PPP4R3A: variants seen among roughly 807,000 people sequenced by gnomAD.
PPP4R3A encodes protein phosphatase 4 regulatory subunit 3A.
In PPP4R3A, 15 loss-of-function variants were observed where a neutral mutation model predicts 91.7. The ratio of observed to expected loss-of-function variants is 0.16; its 90% CI spans 0.11 to 0.25. PPP4R3A has a LOEUF of 0.25. PPP4R3A is among the 10% of genes least tolerant of loss of function. The probability of loss-of-function intolerance (pLI) is 1.00; values close to 1 mark genes in which losing one functional copy is unlikely to be tolerated. For missense variants in PPP4R3A, 623 were observed against 998.4 expected (o/e 0.62, Z 5.07); for synonymous variants, 377 against 348.7 (o/e 1.08, Z -0.91).
Position 91,509,877 on chromosome 14 carries a change from G to A in PPP4R3A, c.-230C>T. On this transcript the variant is annotated 5_prime_UTR_variant, in exon 1 of 15. Transcript: ENST00000554943. ...CCGGCTCCCCGGCGCTATTGTCCAGGCCTGGCGAGCCCGGCGCCCGGCAGC... is the reference window on the plus strand; with the variant it reads ...CCGGCTCCCCGGCGCTATTGTCCAGACCTGGCGAGCCCGGCGCCCGGCAGC... The A allele has an allele frequency of 1.8e-6, 2 of 1,105,108 alleles. No individual in the cohort carries two copies. Among genetic ancestry groups the A allele is most frequent in the South Asian group, 4.3e-5 (1 of 23,276 alleles). The allele number at this position is 1,105,108 out of a possible 1,614,324, so 68.5% of individuals were successfully genotyped here.
Position 91,472,823 on chromosome 14 carries a change from A to ACC in PPP4R3A, c.1501+209_1501+210insGG, listed in dbSNP as rs1888936440. Among the ~76,000 whole-genome samples, 11 of 111,446 alleles carry ACC rather than the reference A, an allele frequency of 9.9e-5. 1 individual carries two copies. The highest frequency in any genetic ancestry group is 8.8e-4 in the Admixed American group (9 of 10,242). 73.1% of individuals were successfully genotyped at this position (111,446 alleles called of 152,430 possible). A position where few individuals can be genotyped will look rare whatever the true frequency, so the allele number is the denominator to read the frequency against. On this transcript the variant is annotated intron_variant, in intron 9 of 14. Transcript: ENST00000554943. ...AATTCTCCAGGTTGCTTTTGATAAA[A>ACC]ACAACCAACCAACCAACCAACCAAC...
At chr14:91,487,687 C>A (rs773363736) in intron 2 of PPP4R3A, among the ~76,000 whole-genome samples, 1 of 150,830 alleles carries the variant, frequency 6.6e-6, no homozygotes, top group Non-Finnish European at 1.5e-5. Flanking sequence ...AGTTTCTAAT[C>A]TTTCTCACTA....
intron 9 of PPP4R3A, among the ~76,000 whole-genome samples, chr14:91,472,691 G>A (rs890919631): frequency 5.3e-5 from 8 of 151,944 alleles, no homozygotes; most frequent in Non-Finnish European, 1.0e-4. Flanking sequence ...GGATGGTCTC[G>A]ATCTCCTGAC....
intron 1 of PPP4R3A, among the ~76,000 whole-genome samples, chr14:91,496,670 T>A (rs1890591576): frequency 6.6e-6 from 1 of 152,184 alleles, no homozygotes; most frequent in Non-Finnish European, 1.5e-5. Flanking sequence ...TAGAGGGAAG[T>A]ATCCCCTGAA....
rs1180173135 is a variant in PPP4R3A, at chr14:91,457,859, G to C, written c.*900C>G. 6.6e-6 allele frequency: 1 copy of C among 152,530 alleles called. No individual in the cohort carries two copies. Among genetic ancestry groups the C allele is most frequent in the Non-Finnish European group, 1.5e-5 (1 of 68,010 alleles). 9.4% of individuals were successfully genotyped at this position (152,530 alleles called of 1,614,324 possible). On this transcript the variant is annotated 3_prime_UTR_variant, in exon 15 of 15. Transcript: ENST00000554943. Reference sequence around the variant, plus strand: ...ATATAAAATATTTAGTCACAAAATAGTATTGCTTTTGTATGCACATAGTTG... The same window carrying C: ...ATATAAAATATTTAGTCACAAAATACTATTGCTTTTGTATGCACATAGTTG...
Position 91,458,049 on chromosome 14 carries a change from A to G in PPP4R3A, c.*710T>C, listed in dbSNP as rs1454165894. The G allele has an allele frequency of 2.0e-5, 3 of 152,762 alleles. No individual in the cohort carries two copies. Among genetic ancestry groups the G allele is most frequent in the Non-Finnish European group, 4.4e-5 (3 of 68,212 alleles). The allele number at this position is 152,762 out of a possible 1,614,324, so 9.5% of individuals were successfully genotyped here. ...AAAGTTTTAATGGTCCCAAATATAT[A>G]TACTCAACAACTAAGCATACACTCA... On this transcript the variant is annotated 3_prime_UTR_variant, in exon 15 of 15. Coordinates refer to ENST00000554943, the MANE Select transcript of PPP4R3A (RefSeq NM_001366432.2).
chr14:91,458,485 T>G lies in PPP4R3A; in HGVS notation c.*274A>C. Reference sequence around the variant, plus strand: ...AGTTCCACTTACAAAACCCCTGCCCTGTTGGCTTTTTGTTTCCATTTCCTT... The same window carrying G: ...AGTTCCACTTACAAAACCCCTGCCCGGTTGGCTTTTTGTTTCCATTTCCTT... On this transcript the variant is annotated 3_prime_UTR_variant, in exon 15 of 15. Coordinates refer to ENST00000554943, the MANE Select transcript of PPP4R3A (RefSeq NM_001366432.2). The G allele has an allele frequency of 2.1e-6, 1 of 486,158 alleles. No homozygotes were observed. Among genetic ancestry groups the G allele is most frequent in the East Asian group, 4.1e-5 (1 of 24,452 alleles). 30.1% of individuals were successfully genotyped at this position (486,158 alleles called of 1,614,324 possible). A position where few individuals can be genotyped will look rare whatever the true frequency, so the allele number is the denominator to read the frequency against.
intron 4 of PPP4R3A, among the ~76,000 whole-genome samples, chr14:91,480,192 C>T (rs985608478): frequency 1.3e-5 from 2 of 152,120 alleles, no homozygotes; most frequent in Non-Finnish European, 2.9e-5. Flanking sequence ...TATCAATAGA[C>T]ACTTAAAAAA....
At position 91,482,111 on chromosome 14, in the gene PPP4R3A, G is replaced by A. The variant is rs1321945223; in HGVS notation, c.380C>T (p.Ser127Leu). ...ACAAGATGGCAATTCTAAGCCTGGC[G>A]ATGACATATCATCAAAACGCTCCTC... Reference protein sequence around the residue: ...SEEERFDDMSSPGLELPSCEL... With the variant: ...SEEERFDDMSLPGLELPSCEL... Residue 127 changes from serine to leucine, a missense_variant, in exon 4 of 15, where the codon TCG (serine) becomes TTG (leucine). Ser to Leu is a moderately radical substitution (Grantham distance 145). Coordinates refer to ENST00000554943, the MANE Select transcript of PPP4R3A (RefSeq NM_001366432.2). 8 of 1,614,076 alleles carry A rather than the reference G, an allele frequency of 5.0e-6. No individual in the cohort carries two copies. The highest frequency in any genetic ancestry group is 6.8e-6 in the Non-Finnish European group (8 of 1,180,026).
intron 1 of PPP4R3A, among the ~76,000 whole-genome samples, chr14:91,496,682 C>T (rs922020031): frequency 6.6e-6 from 1 of 152,162 alleles, no homozygotes; most frequent in Non-Finnish European, 1.5e-5. Context: ...TCCCCTGAAA[C>T]TCTCTTTTCA....
chr14:91,491,424 T>C (rs914888889), intron 1 of PPP4R3A, among the ~76,000 whole-genome samples: 6 of 151,914 alleles, frequency 3.9e-5, no homozygotes, highest in East Asian at 1.9e-4. Context: ...ATTATTATTA[T>C]TGGGGACAGA....
chr14:91,495,302 ATGTG>A lies in PPP4R3A; in HGVS notation c.143-4504_143-4501del, dbSNP rs60663799. The stretch of plus-strand genomic sequence containing the variant: ...AAAATACCACATGTCCAGATACATA[ATGTG>A]TGTGTGTGTGTGTGTGTGTATGTTT... On this transcript the variant is annotated intron_variant, in intron 1 of 14. Transcript: ENST00000554943. 1.3e-4 allele frequency among the ~76,000 whole-genome samples: 19 copies of A among 140,960 alleles called. 1 individual carries two copies. The highest frequency in any genetic ancestry group is 3.6e-4 in the Admixed American group (5 of 13,954). The allele number at this position is 140,960 out of a possible 152,430, so 92.5% of individuals were successfully genotyped here.
At chr14:91,507,521 CTATAGTTATATATACTATATATTATA>C (rs1566660805) in intron 1 of PPP4R3A, among the ~76,000 whole-genome samples, 1 of 135,618 alleles carries the variant, frequency 7.4e-6, no homozygotes, top group East Asian at 2.2e-4. Context: ...ATTATATATA[CTATAGTTATATATACTATATATTATA>C]TATAGTTATA....
chr14:91,472,909 T>C, intron 9 of PPP4R3A, 124 bp downstream of exon 9: 1 of 788,964 alleles, frequency 1.3e-6, no homozygotes, highest in Admixed American at 2.6e-5. Context: ...TACTACTTTT[T>C]AAAAGGTGTG....
intron 14 of PPP4R3A, among the ~76,000 whole-genome samples, chr14:91,460,279 C>G (rs192341937): frequency 6.6e-6 from 1 of 152,132 alleles, no homozygotes; most frequent in Non-Finnish European, 1.5e-5. Flanking sequence ...TCCCAAAGCA[C>G]TGGGATTACG....
chr14:91,485,838 A>AAT, intron 2 of PPP4R3A, 108 bp from the exon 3 acceptor site: 1 of 588,444 alleles, frequency 1.7e-6, no homozygotes, highest in Non-Finnish European at 2.9e-6. Context: ...TTGCAACACT[A>AAT]ATACTGGCAA....
chr14:91,486,864 A>G (rs1299661879), intron 2 of PPP4R3A, among the ~76,000 whole-genome samples: 7 of 146,974 alleles, frequency 4.8e-5, no homozygotes, highest in African/African-American at 1.8e-4. Context: ...AGACTGCCCC[A>G]CTGCACTCCA....
At chr14:91,495,270 C>A (rs1363701750) in intron 1 of PPP4R3A, among the ~76,000 whole-genome samples, 2 of 137,638 alleles carry the variant, frequency 1.5e-5, no homozygotes, top group African/African-American at 2.7e-5. Flanking sequence ...TTAAAGAAGC[C>A]CATCATAAAA....
At chr14:91,494,308 T>C (rs1375822656) in intron 1 of PPP4R3A, among the ~76,000 whole-genome samples, 1 of 152,092 alleles carries the variant, frequency 6.6e-6, no homozygotes, top group African/African-American at 2.4e-5. Context: ...AAGAAAAAAT[T>C]GGGCATCACA....
Sources: gnomAD v4.1 joint callset for allele counts (sites outside exome capture counted in the v4.1 genomes callset) on GRCh38, gnomAD v4.1.1 for gene constraint, MANE v1.5 for transcripts, NCBI Gene and HGNC (gene_info 2026-07-23, HGNC 2026-07-21) for gene names.